The following RIMBP2 variants were observed in gnomAD, a reference collection of about 807,000 sequenced individuals.
The protein encoded by RIMBP2 is RIMS binding protein 2.
A neutral mutation model predicts 118.6 loss-of-function variants in RIMBP2; 48 were observed. The ratio of observed to expected loss-of-function variants is 0.40; its 90% CI spans 0.32 to 0.51. The LOEUF (loss-of-function observed/expected upper bound fraction) is 0.51, where lower values mean the gene tolerates loss of function less well. Ranked by LOEUF, RIMBP2 falls within the 20% of genes least tolerant of loss-of-function variation. The pLI is 0.41. For missense variants in RIMBP2, 1,551 were observed against 1,768.3 expected (o/e 0.88, Z 2.20); for synonymous variants, 762 against 742.9 (o/e 1.03, Z -0.42).
chr12:130,553,635 T>C (rs1257362135), intron 2 of RIMBP2, among the ~76,000 whole-genome samples: 1 of 152,158 alleles, frequency 6.6e-6, no homozygotes, highest in Non-Finnish European at 1.5e-5. Flanking sequence ...TCCAAGCTAC[T>C]TGGGAGGCTG....
intron 2 of RIMBP2, among the ~76,000 whole-genome samples, chr12:130,568,345 C>T (rs551845868): frequency 3.9e-5 from 6 of 152,232 alleles, no homozygotes; most frequent in Non-Finnish European, 8.8e-5. Context: ...ACTCCTCTGC[C>T]TCCTGTGCAA....
chr12:130,639,383 T>TAAAAAAAAAAAAA (rs59431769), intron 1 of RIMBP2, among the ~76,000 whole-genome samples: 2 of 130,870 alleles, frequency 1.5e-5, no homozygotes, highest in Admixed American at 1.6e-4. Flanking sequence ...AACTCCATCT[T>TAAAAAAAAAAAAA]AAAAAAAAAA....
At chr12:130,555,485 A>G (rs2139795422) in intron 2 of RIMBP2, among the ~76,000 whole-genome samples, 1 of 152,288 alleles carries the variant, frequency 6.6e-6, no homozygotes, top group African/African-American at 2.4e-5. Flanking sequence ...AGCACCATAA[A>G]TGCAAGCCTG....
chr12:130,402,085 A>G lies in RIMBP2; in HGVS notation c.3766-2272T>C, dbSNP rs73455402. The stretch of plus-strand genomic sequence containing the variant: ...AACACACACAGCCCTAGTAAAATCC[A>G]CGTCAGAACGCACATGTACCATGTC... On this transcript the variant is annotated intron_variant, in intron 21 of 22. Transcript: ENST00000690449. 9.9e-3 allele frequency among the ~76,000 whole-genome samples: 1,507 copies of G among 152,254 alleles called. 18 individuals carry two copies. Among genetic ancestry groups the G allele is most frequent in the African/African-American group, 0.034 (1,425 of 41,554 alleles).
intron 18 of RIMBP2, 146 bp downstream of exon 18, chr12:130,413,979 G>T: frequency 1.2e-6 from 1 of 866,884 alleles, no homozygotes; most frequent in Non-Finnish European, 1.8e-6. Context: ...TGCCGTCACA[G>T]CACCATGCCA....
At position 130,446,540 on chromosome 12, in the gene RIMBP2, A is replaced by G. The variant is rs896836931; in HGVS notation, c.582-1271T>C. Among the ~76,000 whole-genome samples, 3 of 152,156 alleles carry G rather than the reference A, an allele frequency of 2.0e-5. No homozygotes were observed. Among genetic ancestry groups the G allele is most frequent in the Admixed American group, 6.5e-5 (1 of 15,284 alleles). On this transcript the variant is annotated intron_variant, in intron 9 of 22. Coordinates refer to ENST00000690449, the MANE Select transcript of RIMBP2 (RefSeq NM_001393629.1). This position sits in a 1 kb window ranked among gnomAD's most constrained non-coding sequence, Gnocchi z 4.1. ...CAGGGTGCAGAGGTCCAGGAACCCA[A>G]TCCAAGACCCTGACAGCACCCAGCA...
At chr12:130,497,357 G>A (rs2049284519) in intron 4 of RIMBP2, among the ~76,000 whole-genome samples, 1 of 152,160 alleles carries the variant, frequency 6.6e-6, no homozygotes, top group African/African-American at 2.4e-5. Flanking sequence ...GCCTCTGGTG[G>A]GTCCACCAGT....
At chr12:130,491,981 G>A (rs1413093447) in intron 4 of RIMBP2, among the ~76,000 whole-genome samples, 1 of 152,230 alleles carries the variant, frequency 6.6e-6, no homozygotes, top group East Asian at 1.9e-4. Flanking sequence ...GAACGAACCT[G>A]AAGCAAACTG....
chr12:130,599,066 A>G (rs75376749), intron 2 of RIMBP2, among the ~76,000 whole-genome samples: 125 of 152,362 alleles, frequency 8.2e-4, no homozygotes, highest in African/African-American at 2.8e-3. Context: ...ATCTTTTCCA[A>G]AAATGGTGAT....
intron 1 of RIMBP2, among the ~76,000 whole-genome samples, chr12:130,705,378 C>CTG (rs2066056149): frequency 6.6e-6 from 1 of 152,086 alleles, no homozygotes; most frequent in Non-Finnish European, 1.5e-5. Context: ...GCCGCACCAC[C>CTG]GCCCTGTGCT....
At chr12:130,654,898 A>G (rs1361659156) in intron 1 of RIMBP2, among the ~76,000 whole-genome samples, 1 of 152,182 alleles carries the variant, frequency 6.6e-6, no homozygotes, top group Non-Finnish European at 1.5e-5. Flanking sequence ...GAGGTGCCAC[A>G]CACTTTTCAA....
At chr12:130,478,780 T>G in intron 5 of RIMBP2, 132 bp downstream of exon 5, 1 of 639,292 alleles carries the variant, frequency 1.6e-6, no homozygotes, top group East Asian at 2.7e-5. Context: ...CTCTGAATTC[T>G]TCTGTGCAAG....
At chr12:130,610,550 G>GTTTTTTTT (rs2060464137) in intron 2 of RIMBP2, among the ~76,000 whole-genome samples, 1 of 96,106 alleles carries the variant, frequency 1.0e-5, no homozygotes, top group African/African-American at 3.9e-5. Context: ...TAATTTTCCT[G>GTTTTTTTT]CTTTTTTTTT....
intron 7 of RIMBP2, among the ~76,000 whole-genome samples, chr12:130,452,799 G>A (rs367560028): frequency 1.3e-5 from 2 of 152,188 alleles, no homozygotes; most frequent in Non-Finnish European, 1.5e-5. Context: ...CTGACACCGC[G>A]CCACAGTGAA....
At chr12:130,626,363 CACT>C (rs1208254656) in intron 2 of RIMBP2, among the ~76,000 whole-genome samples, 2,466 of 151,208 alleles carry the variant, frequency 0.016, 121 homozygotes, top group African/African-American at 0.056. Flanking sequence ...CCACGACTAC[CACT>C]GGCATCACCA....
intron 1 of RIMBP2, among the ~76,000 whole-genome samples, chr12:130,629,522 G>C (rs1001384158): frequency 1.3e-5 from 2 of 152,184 alleles, no homozygotes; most frequent in Non-Finnish European, 2.9e-5. Context: ...TTATTTTCTA[G>C]AGATATTTAA....
intron 1 of RIMBP2, among the ~76,000 whole-genome samples, chr12:130,666,061 G>A (rs1290238421): frequency 6.6e-6 from 1 of 152,182 alleles, no homozygotes; most frequent in Non-Finnish European, 1.5e-5. Flanking sequence ...CTGGCAGTGA[G>A]TGGATCCTCA....
rs760153038 is a variant in RIMBP2 at position 130,437,268 on chromosome 12, C to T, written c.1680G>A (p.Thr560=). ...CAAGCTCCACGGCCGTGCTGTCTGCCGTGGGGAAGATGACTTCAGCCACCT... is the reference window on the plus strand; with the variant it reads ...CAAGCTCCACGGCCGTGCTGTCTGCTGTGGGGAAGATGACTTCAGCCACCT... ...GQRVAEVIFP[T]ADSTAVELVR... The change falls in exon 13 of 23, where the codon ACG becomes ACA. Residue 560 remains threonine, a synonymous_variant. Coordinates refer to ENST00000690449, the MANE Select transcript of RIMBP2 (RefSeq NM_001393629.1). The T allele has an allele frequency of 1.2e-5, 19 of 1,580,650 alleles. No individual in the cohort carries two copies. Among genetic ancestry groups the T allele is most frequent in the African/African-American group, 2.7e-5 (2 of 74,618 alleles).
rs573722746 is a variant in RIMBP2 at position 130,453,136 on chromosome 12, C to T, written c.359-1796G>A. ...GCTCCCATACTGGAAGGAAAACTGG[C>T]TGCGCCAGGGATAGGAGAGGCCACG... is the stretch of plus-strand genomic sequence containing the variant. On this transcript the variant is annotated intron_variant, in intron 7 of 22. Coordinates refer to ENST00000690449, the MANE Select transcript of RIMBP2 (RefSeq NM_001393629.1). Among the ~76,000 whole-genome samples, 63 of 152,352 alleles carry T rather than the reference C, an allele frequency of 4.1e-4. 1 individual carries two copies. The South Asian group carries it at 0.013, about 32-fold the overall frequency.
Sources: gnomAD v4.1 joint callset for allele counts (sites outside exome capture counted in the v4.1 genomes callset) on GRCh38, gnomAD v4.1.1 for gene constraint, Gnocchi (gnomAD v3.1) non-coding constraint, MANE v1.5 for transcripts, NCBI Gene and HGNC (gene_info 2026-07-23, HGNC 2026-07-21) for gene names.